Variants in ZNF208 observed in about 807,000 individuals in gnomAD.
ZNF208 encodes the protein zinc finger protein 95.
Under a neutral mutation model 12.1 loss-of-function variants are expected in ZNF208, and 10 were observed. The ratio of observed to expected loss-of-function variants is 0.83; its 90% CI spans 0.51 to 1.40. The LOEUF (loss-of-function observed/expected upper bound fraction) is 1.40, where lower values mean the gene tolerates loss of function less well. ZNF208 is among the 40% of genes most tolerant of loss of function. The pLI, the probability that ZNF208 is intolerant of heterozygous loss-of-function variation, is 0.00. For synonymous variants in ZNF208, 497 were observed against 488.4 expected, an observed-to-expected ratio of 1.02 and a Z score of -0.23; for missense variants, 1,652 against 1,485.0, an observed-to-expected ratio of 1.11 and a Z score of -1.85.
chr19:21,978,254 C>G (rs1349751225), intron 3 of ZNF208, among the ~76,000 whole-genome samples: 1 of 152,144 alleles, frequency 6.6e-6, no homozygotes, highest in African/African-American at 2.4e-5. Context: ...CAAGTGGGTC[C>G]CTGACACCCG....
At chr19:21,980,179 A>T (rs1028350027) in intron 3 of ZNF208, among the ~76,000 whole-genome samples, 1 of 152,126 alleles carries the variant, frequency 6.6e-6, no homozygotes, top group African/African-American at 2.4e-5. Context: ...GACACAAAAA[A>T]CTAAGAAGGA....
At chr19:21,998,228 C>T (rs1257515683) in intron 1 of ZNF208, 1 of 147,518 alleles carries the variant, frequency 6.8e-6, no homozygotes, top group Non-Finnish European at 1.5e-5. Flanking sequence ...GATCTCGGCT[C>T]ACTGTAAGCT....
intron 4 of ZNF208, among the ~76,000 whole-genome samples, chr19:21,960,384 A>T (rs1033170563): frequency 4.8e-4 from 73 of 152,272 alleles, no homozygotes; most frequent in African/African-American, 1.6e-3. Context: ...ATAAAAAAAG[A>T]GATACATAAG....
intron 3 of ZNF208, among the ~76,000 whole-genome samples, chr19:21,980,468 T>A (rs1970516991): frequency 1.3e-5 from 2 of 152,130 alleles, no homozygotes. Flanking sequence ...CCTGAATGAT[T>A]ATAGGGTAAA....
rs149932105 is a variant in ZNF208 at position 21,945,241 on chromosome 19, A to G, written c.306-12004T>C. 5.8e-4 allele frequency among the ~76,000 whole-genome samples: 89 copies of G among 152,294 alleles called. No individual in the cohort carries two copies. In the East Asian group the frequency reaches 0.015, roughly 25 times the overall value. Reference sequence around the variant, plus strand: ...CCCTAGTTCCAGTCTTTGCTTTCTCATTCCATAAGCAACACACCCTGAATC... The same window carrying G: ...CCCTAGTTCCAGTCTTTGCTTTCTCGTTCCATAAGCAACACACCCTGAATC... On this transcript the variant is annotated intron_variant, in intron 4 of 4. Coordinates refer to the ZNF208 transcript ENST00000599916.
chr19:21,987,060 G>T, intron 3 of ZNF208, 156 bp downstream of exon 3: 1 of 659,230 alleles, frequency 1.5e-6, no homozygotes, highest in Non-Finnish European at 2.4e-6. Context: ...GACCGAAGAT[G>T]CCCCTGTGTG....
rs773049525 is a variant in ZNF208, at chr19:21,972,934, T to C, written c.2100A>G (p.Lys700=). The C allele has an allele frequency of 2.5e-5, 40 of 1,613,622 alleles. No homozygotes were observed. Among genetic ancestry groups the C allele is most frequent in the Non-Finnish European group, 1.1e-5 (13 of 1,179,912 alleles). Residue 700 remains lysine (K), a synonymous_variant, in exon 4 of 4, where the codon AAA becomes AAG. Transcript: ENST00000397126. ...EKPYKCEECG[K]AFNWSSNLME... The stretch of plus-strand genomic sequence containing the variant: ...TAAGGTTTGAGGACCAGTTGAAAGC[T>C]TTGCCACATTCTTCACATTTGTAGG...
chr19:21,988,435 C>T (rs1332377309), intron 2 of ZNF208, among the ~76,000 whole-genome samples: 2 of 152,088 alleles, frequency 1.3e-5, no homozygotes, highest in Non-Finnish European at 2.9e-5. Context: ...CCAGAAGGTA[C>T]ACTGAGGACA....
intron 1 of ZNF208, 127 bp from the exon 2 acceptor site, chr19:21,989,036 A>T: frequency 1.6e-6 from 2 of 1,267,806 alleles, no homozygotes; most frequent in Non-Finnish European, 2.2e-6. Flanking sequence ...ATTATTCAAT[A>T]AAATAATTTT....
intron 3 of ZNF208, among the ~76,000 whole-genome samples, chr19:21,984,609 T>G (rs1970602604): frequency 6.6e-6 from 1 of 152,018 alleles, no homozygotes; most frequent in Admixed American, 6.6e-5. Context: ...AACAAAACAC[T>G]CGAGCATGCT....
At chr19:21,941,147 C>T in intron 4 of ZNF208, 1 of 389,712 alleles carries the variant, frequency 2.6e-6, no homozygotes, top group East Asian at 3.6e-5. Flanking sequence ...GAACGGAGAG[C>T]TTCAGCCAAA....
rs34234040 is a variant in ZNF208 at position 21,982,357 on chromosome 19, C to CAA, written c.226+4857_226+4858dup. Among the ~76,000 whole-genome samples the CAA allele has an allele frequency of 1.9e-3, 208 of 107,260 alleles. 1 individual carries two copies. The highest frequency in any genetic ancestry group is 0.01 in the Middle Eastern group (2 of 200). 70.4% of individuals were successfully genotyped at this position (107,260 alleles called of 152,430 possible). A position where few individuals can be genotyped will look rare whatever the true frequency, so the allele number is the denominator to read the frequency against. On this transcript the variant is annotated intron_variant, in intron 3 of 3. Coordinates refer to ENST00000397126, the MANE Select transcript of ZNF208 (RefSeq NM_007153.3). ...TGGGTGATAGAGCGAGACTCCATCT[C>CAA]AAAAAAAAAAAAAAAAAAGGAAGAA...
At chr19:21,980,170 A>G (rs1479195926) in intron 3 of ZNF208, among the ~76,000 whole-genome samples, 4 of 152,160 alleles carry the variant, frequency 2.6e-5, no homozygotes, top group Non-Finnish European at 5.9e-5. Context: ...CAGATCAATG[A>G]CACAAAAAAC....
At chr19:21,992,987 A>G (rs1970769347) in intron 1 of ZNF208, among the ~76,000 whole-genome samples, 1 of 152,146 alleles carries the variant, frequency 6.6e-6, no homozygotes, top group South Asian at 2.1e-4. Context: ...ATTCTTTCTC[A>G]AATAAAATTT....
At chr19:22,007,388 C>T (rs1387611647) in intron 1 of ZNF208, among the ~76,000 whole-genome samples, 3 of 149,964 alleles carry the variant, frequency 2.0e-5, no homozygotes, top group Non-Finnish European at 3.0e-5. Flanking sequence ...GGCGTGGTGG[C>T]GGGCTCCCAC....
chr19:22,002,652 T>C lies in ZNF208; in HGVS notation c.3+8140A>G, dbSNP rs1256118417. On this transcript the variant is annotated intron_variant, in intron 1 of 3. Transcript: ENST00000397126. ...TACAGATAACCAGAAAGGTAAAAGATCTCTATGACAAGAATTACAAAACAA... is the reference window on the plus strand; with the variant it reads ...TACAGATAACCAGAAAGGTAAAAGACCTCTATGACAAGAATTACAAAACAA... Among the ~76,000 whole-genome samples the C allele has an allele frequency of 2.6e-5, 4 of 151,838 alleles. No individual in the cohort carries two copies. The South Asian group carries it at 6.2e-4, about 24-fold the overall frequency.
At position 21,967,553 on chromosome 19, in the gene ZNF208, T is replaced by G. The variant is rs1348440242; in HGVS notation, c.*3638A>C. The G allele has an allele frequency of 2.0e-5, 3 of 152,034 alleles. No individual in the cohort carries two copies. The highest frequency in any genetic ancestry group is 7.2e-5 in the African/African-American group (3 of 41,394). The allele number at this position is 152,034 out of a possible 1,614,324, so 9.4% of individuals were successfully genotyped here. A position where few individuals can be genotyped will look rare whatever the true frequency, so the allele number is the denominator to read the frequency against. On this transcript the variant is annotated 3_prime_UTR_variant, in exon 4 of 4. Coordinates refer to ENST00000397126, the MANE Select transcript of ZNF208 (RefSeq NM_007153.3). ...GGCATGCACCACCACACCTGGCTAA[T>G]TTTTTACATTTAGTAGAGATGCAGG...
chr19:21,945,434 A>G (rs1231742428), intron 4 of ZNF208, among the ~76,000 whole-genome samples: 2 of 152,186 alleles, frequency 1.3e-5, no homozygotes, highest in Non-Finnish European at 2.9e-5. Context: ...TCACACTATC[A>G]TGCTTTGTTT....
At chr19:22,003,528 G>A (rs1224320763) in intron 1 of ZNF208, among the ~76,000 whole-genome samples, 4 of 150,058 alleles carry the variant, frequency 2.7e-5, no homozygotes, top group African/African-American at 4.9e-5. Flanking sequence ...TGAAAAAGAC[G>A]TTTGTCTTCA....
Sources: allele counts gnomAD v4.1 joint callset (sites outside exome capture counted in the v4.1 genomes callset), GRCh38; gene constraint gnomAD v4.1.1; transcripts MANE v1.5; gene names NCBI Gene and HGNC (gene_info 2026-07-23, HGNC 2026-07-21).